IL16: variants seen among roughly 807,000 people sequenced by gnomAD.
The protein encoded by IL16 is pro-interleukin-16.
IL16 carries 67 observed loss-of-function variants against 110.1 expected under a neutral mutation model. That is an observed-to-expected ratio of 0.61 (90% CI 0.50 to 0.75). The LOEUF (loss-of-function observed/expected upper bound fraction) is 0.75. Ranked by LOEUF, IL16 falls within the 30% of genes least tolerant of loss-of-function variation. IL16 has a pLI of 0.00. For synonymous variants in IL16, 689 were observed against 662.9 expected (o/e 1.04, Z -0.61); for missense variants, 1,545 against 1,655.0 (o/e 0.93, Z 1.15).
At chr15:81,275,987 G>C (rs1193035139) in intron 6 of IL16, among the ~76,000 whole-genome samples, 1 of 152,232 alleles carries the variant, frequency 6.6e-6, no homozygotes, top group Admixed American at 6.5e-5. Context: ...GAGCTGGGCT[G>C]TGTGGCCCCA....
At chr15:81,248,968 G>A (rs1012084772) in intron 2 of IL16, among the ~76,000 whole-genome samples, 11 of 151,852 alleles carry the variant, frequency 7.2e-5, no homozygotes, top group East Asian at 1.9e-4. Context: ...TGATCTGCCC[G>A]CTTCTGCATC....
At chr15:81,277,752 G>A (rs1015888174) in intron 6 of IL16, among the ~76,000 whole-genome samples, 2 of 152,156 alleles carry the variant, frequency 1.3e-5, no homozygotes, top group African/African-American at 4.8e-5. Context: ...AGAGAAAAAG[G>A]ATGGATCATA....
At chr15:81,197,180 T>C in intron 1 of IL16, 28 bp downstream of exon 1, 1 of 1,281,528 alleles carries the variant, frequency 7.8e-7, no homozygotes, top group Non-Finnish European at 1.0e-6. Flanking sequence ...AGGCAGCTGC[T>C]CTGTCCAGGT....
At chr15:81,203,169 G>T (rs1482752190) in intron 1 of IL16, among the ~76,000 whole-genome samples, 1 of 145,472 alleles carries the variant, frequency 6.9e-6, no homozygotes, top group Non-Finnish European at 1.5e-5. Flanking sequence ...TTTTGATGGG[G>T]TTGTTTTTTT....
rs1350921626 is a variant in IL16 at position 81,299,709 on chromosome 15, A to G, written c.2383A>G (p.Ser795Gly). 3.7e-6 allele frequency: 6 copies of G among 1,614,226 alleles called. No individual in the cohort carries two copies. The highest frequency in any genetic ancestry group is 5.1e-6 in the Non-Finnish European group (6 of 1,180,038). Residue 795 changes from serine (S) to glycine (G), a missense_variant, in exon 14 of 19, where the codon AGC (serine) becomes GGC (glycine). Coordinates refer to ENST00000683961, the MANE Select transcript of IL16 (RefSeq NM_172217.5). ...TCCCAAGCCAGCCTGGTTTCGCCAA[A>G]GCTTGAAAGGTTTGAGGAATCGTGC... is the stretch of plus-strand genomic sequence containing the variant. ...VAPKPAWFRQ[S>G]LKGLRNRASD...
intron 1 of IL16, among the ~76,000 whole-genome samples, chr15:81,203,289 G>A (rs200672152): frequency 0.16 from 24,741 of 151,810 alleles, 4,621 homozygotes; most frequent in African/African-American, 0.46. Flanking sequence ...CACTCTGATG[G>A]TAGTTTCTTT....
Position 81,307,167 on chromosome 15 carries a change from C to T in IL16, c.3805+622C>T, listed in dbSNP as rs144396301. ...CTGTGGCTACCATGTAAAACCATCC[C>T]TGATTCTTTGGTGTTCCTCAAATTG... On this transcript the variant is annotated intron_variant, in intron 18 of 18. Transcript: ENST00000683961. Among the ~76,000 whole-genome samples the T allele has an allele frequency of 2.0e-3, 298 of 152,286 alleles. 1 individual carries two copies. Among genetic ancestry groups the T allele is most frequent in the African/African-American group, 6.8e-3 (282 of 41,544 alleles).
intron 2 of IL16, among the ~76,000 whole-genome samples, chr15:81,235,351 A>G (rs1897144786): frequency 6.6e-6 from 1 of 152,156 alleles, no homozygotes; most frequent in Non-Finnish European, 1.5e-5. Flanking sequence ...CTCATGATGG[A>G]AGATGAAGAG....
chr15:81,231,320 G>T (rs1260443490), intron 2 of IL16, among the ~76,000 whole-genome samples: 1 of 50,926 alleles, frequency 2.0e-5, no homozygotes, highest in Non-Finnish European at 4.8e-5. Flanking sequence ...CCCAAGGTCG[G>T]TCTGTCTCTC....
At chr15:81,220,484 C>G (rs925876673) in intron 1 of IL16, among the ~76,000 whole-genome samples, 1 of 152,048 alleles carries the variant, frequency 6.6e-6, no homozygotes, top group Non-Finnish European at 1.5e-5. Context: ...GAGAAAGAAC[C>G]ATACATTTCT....
chr15:81,237,346 A>G (rs1897208796), intron 2 of IL16, among the ~76,000 whole-genome samples: 1 of 152,222 alleles, frequency 6.6e-6, no homozygotes, highest in Admixed American at 6.5e-5. Flanking sequence ...AATTTACTGT[A>G]ACAATTTGTG....
chr15:81,304,611 C>T (rs1900457871), intron 16 of IL16, among the ~76,000 whole-genome samples: 1 of 152,208 alleles, frequency 6.6e-6, no homozygotes, highest in South Asian at 2.1e-4. Flanking sequence ...TGTCTAAATT[C>T]ATCCTACCCA....
intron 8 of IL16, among the ~76,000 whole-genome samples, chr15:81,281,150 T>G (rs1273853555): frequency 6.6e-6 from 1 of 152,218 alleles, no homozygotes; most frequent in African/African-American, 2.4e-5. Context: ...GGGCTCTGAC[T>G]TTTACCAAAT....
chr15:81,213,046 T>C (rs1378053262), intron 1 of IL16, among the ~76,000 whole-genome samples: 1 of 152,222 alleles, frequency 6.6e-6, no homozygotes, highest in East Asian at 1.9e-4. Context: ...CTCCTAACAC[T>C]ACTTTAGCTG....
At chr15:81,279,058 A>G (rs1291591392) in intron 7 of IL16, among the ~76,000 whole-genome samples, 168 bp downstream of exon 7, 1 of 152,214 alleles carries the variant, frequency 6.6e-6, no homozygotes, top group East Asian at 1.9e-4. Context: ...TCAGAAAATA[A>G]TAGTGTGATC....
Position 81,297,023 on chromosome 15 carries a change from C to G in IL16, c.1998C>G (p.Gly666=), listed in dbSNP as rs758120727. The change falls in exon 13 of 19, where the codon GGC becomes GGG. Residue 666 remains glycine (G), a synonymous_variant. Coordinates refer to ENST00000683961, the MANE Select transcript of IL16 (RefSeq NM_172217.5). Reference sequence around the variant, plus strand: ...CCGGCTGCCCAGGACCTGGTATCGGCCCACAGACCAAGTCCTCCACAGAGG... The same window carrying G: ...CCGGCTGCCCAGGACCTGGTATCGGGCCACAGACCAAGTCCTCCACAGAGG... ...ASAGCPGPGI[G]PQTKSSTEGE... 6.2e-7 allele frequency: 1 copy of G among 1,613,786 alleles called. No individual in the cohort carries two copies. The highest frequency in any genetic ancestry group is 1.3e-5 in the African/African-American group (1 of 74,886).
chr15:81,284,439 A>G (rs1899347127), intron 9 of IL16, among the ~76,000 whole-genome samples: 1 of 152,222 alleles, frequency 6.6e-6, no homozygotes, highest in Non-Finnish European at 1.5e-5. Flanking sequence ...GGTTTGTGGC[A>G]CATACTGCAG....
intron 1 of IL16, among the ~76,000 whole-genome samples, chr15:81,218,483 T>A (rs973254024): frequency 2.6e-4 from 39 of 152,304 alleles, no homozygotes; most frequent in South Asian, 1.9e-3. Context: ...TAGAACCTGA[T>A]AAAATTATTT....
At chr15:81,201,597 T>C (rs1895815827) in intron 1 of IL16, among the ~76,000 whole-genome samples, 2 of 152,330 alleles carry the variant, frequency 1.3e-5, no homozygotes, top group South Asian at 4.1e-4. Flanking sequence ...GTGGTTTTTG[T>C]TTTTCCCTCT....
Sources: gnomAD v4.1 joint callset for allele counts (sites outside exome capture counted in the v4.1 genomes callset) on GRCh38, gnomAD v4.1.1 for gene constraint, MANE v1.5 for transcripts, NCBI Gene and HGNC (gene_info 2026-07-23, HGNC 2026-07-21) for gene names.